Variants in MAGI1 observed in about 807,000 individuals in gnomAD.
MAGI1 encodes the protein membrane-associated guanylate kinase, WW and PDZ domain-containing protein 1.
A neutral mutation model predicts 139.9 loss-of-function variants in MAGI1; 58 were observed. The observed-to-expected ratio is 0.41, with a 90% CI of 0.34 to 0.52. The LOEUF (loss-of-function observed/expected upper bound fraction) is 0.52, where lower values mean the gene tolerates loss of function less well. MAGI1 is among the 20% of genes least tolerant of loss of function. The pLI is 0.12. For synonymous variants in MAGI1, 812 were observed against 737.9 expected (o/e 1.10, Z -1.63); for missense variants, 1,874 against 1,901.6 (o/e 0.99, Z 0.27).
chr3:65,967,924 C>T (rs2064837690), intron 1 of MAGI1, among the ~76,000 whole-genome samples: 1 of 152,080 alleles, frequency 6.6e-6, no homozygotes, highest in African/African-American at 2.4e-5. Context: ...GCGGTAATGC[C>T]CACACCTGGG....
At position 66,028,157 on chromosome 3, in the gene MAGI1, C is replaced by T. The variant is rs541343735; in HGVS notation, c.313+9839G>A. ...CCATCTCTACAAACAAACAAATAGC[C>T]AGGTGTGGTGGGTGCATGCCTGCAG... On this transcript the variant is annotated intron_variant, in intron 1 of 22. Transcript: ENST00000402939. Among the ~76,000 whole-genome samples, 277 of 152,198 alleles carry T rather than the reference C, an allele frequency of 1.8e-3. 1 individual carries two copies. Among genetic ancestry groups the T allele is most frequent in the Non-Finnish European group, 3.4e-3 (229 of 68,016 alleles).
intron 2 of MAGI1, among the ~76,000 whole-genome samples, chr3:65,601,261 AGTTT>A (rs904034419): frequency 1.3e-5 from 2 of 152,304 alleles, no homozygotes; most frequent in Non-Finnish European, 2.9e-5. Context: ...GGGGTTTTAT[AGTTT>A]GTTTGTTTTT....
chr3:65,806,411 G>A (rs540924190), intron 1 of MAGI1, among the ~76,000 whole-genome samples: 1 of 151,706 alleles, frequency 6.6e-6, no homozygotes, highest in South Asian at 2.1e-4. Context: ...ACTGGCAACA[G>A]AGGGAAACTC....
intron 3 of MAGI1, among the ~76,000 whole-genome samples, chr3:65,483,592 C>T (rs1023380331): frequency 6.6e-6 from 1 of 152,244 alleles, no homozygotes; most frequent in South Asian, 2.1e-4. Context: ...TGGCAGGCTG[C>T]ACAGTGTCTA....
At chr3:65,684,025 T>C (rs1462193448) in intron 1 of MAGI1, among the ~76,000 whole-genome samples, 4 of 149,344 alleles carry the variant, frequency 2.7e-5, no homozygotes, top group African/African-American at 9.8e-5. Flanking sequence ...AAAAATTTAA[T>C]TATCCAGGAT....
intron 5 of MAGI1, among the ~76,000 whole-genome samples, chr3:65,468,273 T>A (rs939140499): frequency 4.6e-5 from 7 of 151,854 alleles, no homozygotes; most frequent in African/African-American, 1.5e-4. Flanking sequence ...GACAGAAACA[T>A]GGGTTGTCCC....
At chr3:65,401,705 G>T in intron 12 of MAGI1, 1 of 1,522,964 alleles carries the variant, frequency 6.6e-7, no homozygotes. Flanking sequence ...GACTTGTACT[G>T]CAGCAGCCTG....
At chr3:65,664,192 T>C (rs1694626774) in intron 1 of MAGI1, among the ~76,000 whole-genome samples, 1 of 152,038 alleles carries the variant, frequency 6.6e-6, no homozygotes, top group Admixed American at 6.6e-5. Flanking sequence ...TCATAACAGG[T>C]TCGCCAAGAA....
chr3:65,470,975 T>C (rs1433185120), intron 4 of MAGI1, among the ~76,000 whole-genome samples: 1 of 152,232 alleles, frequency 6.6e-6, no homozygotes, highest in Non-Finnish European at 1.5e-5. Flanking sequence ...TTTATATTTG[T>C]ATAAATATTT....
intron 1 of MAGI1, among the ~76,000 whole-genome samples, chr3:66,013,410 A>AC (rs1407030355): frequency 6.8e-6 from 1 of 147,952 alleles, no homozygotes; most frequent in African/African-American, 2.6e-5. Flanking sequence ...CTCAAATAAA[A>AC]AAAAAAAAAG....
chr3:65,567,984 CA>C (rs1353627231), intron 2 of MAGI1, among the ~76,000 whole-genome samples: 1 of 152,158 alleles, frequency 6.6e-6, no homozygotes, highest in Non-Finnish European at 1.5e-5. Context: ...ATGTTTCCTT[CA>C]AAGGGATATC....
intron 22 of MAGI1, chr3:65,360,127 G>A: frequency 2.0e-6 from 2 of 985,330 alleles, no homozygotes; most frequent in Non-Finnish European, 1.2e-6. Context: ...GGCCCTCCAA[G>A]GAGCTATCCT....
chr3:65,963,310 T>C (rs1379404469), intron 1 of MAGI1, among the ~76,000 whole-genome samples: 3 of 36,998 alleles, frequency 8.1e-5, no homozygotes, highest in Non-Finnish European at 1.6e-4. Context: ...AGACTCTGTC[T>C]CTTAAAAAAA....
chr3:65,401,497 G>T, intron 12 of MAGI1, 27 bp from the exon 13 acceptor site: 1 of 1,609,886 alleles, frequency 6.2e-7, no homozygotes. Context: ...AAGGAGGGGA[G>T]GGGGGAAGAA....
At chr3:65,535,872 T>C (rs1022104519) in intron 2 of MAGI1, among the ~76,000 whole-genome samples, 10 of 152,226 alleles carry the variant, frequency 6.6e-5, no homozygotes, top group African/African-American at 1.7e-4. Flanking sequence ...GTTTCTTTGG[T>C]TAAACAGCAG....
In MAGI1 at chr3:65,856,753, G is replaced by C. The variant is rs78437325; in HGVS notation, c.313+181243C>G. On this transcript the variant is annotated intron_variant, in intron 1 of 22. Coordinates refer to ENST00000402939, the MANE Select transcript of MAGI1 (RefSeq NM_001033057.2). ...CTGATGCCTGGGACACTGAAGTTGG[G>C]AGCTGATGGTCTTAACCCTCTCTGC... Among the ~76,000 whole-genome samples the C allele has an allele frequency of 3.0e-3, 457 of 152,262 alleles. 3 individuals are homozygous for C. Among genetic ancestry groups the C allele is most frequent in the African/African-American group, 0.01 (433 of 41,552 alleles).
chr3:65,990,388 C>A (rs1399643844), intron 1 of MAGI1, among the ~76,000 whole-genome samples: 1 of 152,188 alleles, frequency 6.6e-6, no homozygotes, highest in Non-Finnish European at 1.5e-5. Flanking sequence ...GGAAGATTTA[C>A]AAGTCTCTTA....
intron 14 of MAGI1, among the ~76,000 whole-genome samples, chr3:65,390,514 A>C (rs891214681): frequency 1.3e-5 from 2 of 152,176 alleles, no homozygotes; most frequent in African/African-American, 2.4e-5. Flanking sequence ...TCATAATAAA[A>C]AGACGTTAAA....
At chr3:65,781,445 C>T (rs1428411076) in intron 1 of MAGI1, among the ~76,000 whole-genome samples, 3 of 151,892 alleles carry the variant, frequency 2.0e-5, no homozygotes, top group African/African-American at 7.3e-5. Context: ...TTTTAAGTTC[C>T]GGAGTACATG....
Sources: allele counts gnomAD v4.1 joint callset (sites outside exome capture counted in the v4.1 genomes callset), GRCh38; gene constraint gnomAD v4.1.1; transcripts MANE v1.5; gene names NCBI Gene and HGNC (gene_info 2026-07-23, HGNC 2026-07-21).